ECE1: variants seen among roughly 807,000 people sequenced by gnomAD.
ECE1 encodes endothelin-converting enzyme 1.
A neutral mutation model predicts 98.6 loss-of-function variants in ECE1; 35 were observed. The observed-to-expected ratio is 0.35, with a 90% CI of 0.27 to 0.47. The LOEUF is 0.47. ECE1 is among the 20% of genes least tolerant of loss of function. The pLI, the probability that ECE1 is intolerant of heterozygous loss-of-function variation, is 1.00. For missense variants in ECE1, 814 were observed against 1,025.3 expected, an observed-to-expected ratio of 0.79 and a Z score of 2.81; for synonymous variants, 394 against 407.1, an observed-to-expected ratio of 0.97 and a Z score of 0.39.
At chr1:21,285,990 CAAAAA>C (rs3061092) in intron 2 of ECE1, among the ~76,000 whole-genome samples, 1 of 68,914 alleles carries the variant, frequency 1.5e-5, no homozygotes. Context: ...GACTCTGTCT[CAAAAA>C]AAAAAAAAAA....
intron 1 of ECE1, among the ~76,000 whole-genome samples, chr1:21,297,233 C>T (rs1376510262): frequency 6.6e-6 from 1 of 152,224 alleles, no homozygotes; most frequent in African/African-American, 2.4e-5. Context: ...GGGAATCTTA[C>T]CTAGTGTTGC....
intron 8 of ECE1, among the ~76,000 whole-genome samples, chr1:21,247,793 A>C (rs1382460097): frequency 6.6e-6 from 1 of 152,194 alleles, no homozygotes; most frequent in Non-Finnish European, 1.5e-5. Context: ...CTCTGCAGCC[A>C]AACTGCCTGG....
intron 5 of ECE1, among the ~76,000 whole-genome samples, chr1:21,259,685 G>A (rs1283481440): frequency 6.6e-6 from 1 of 152,150 alleles, no homozygotes; most frequent in East Asian, 1.9e-4. Flanking sequence ...GCTGTCCAGG[G>A]AACACGAGGC....
At chr1:21,270,847 A>G (rs1313635029) in intron 4 of ECE1, among the ~76,000 whole-genome samples, 2 of 152,194 alleles carry the variant, frequency 1.3e-5, no homozygotes, top group Non-Finnish European at 1.5e-5. Flanking sequence ...GGCAGAGTCC[A>G]GATTCGAACC....
chr1:21,229,144 GATTA>G (rs2098178513), intron 14 of ECE1, among the ~76,000 whole-genome samples: 2 of 151,814 alleles, frequency 1.3e-5, no homozygotes, highest in Admixed American at 1.3e-4. Context: ...CCGTCATAAT[GATTA>G]ATTTCATTAC....
chr1:21,301,478 G>T (rs1451025230), intron 1 of ECE1, among the ~76,000 whole-genome samples: 1 of 151,524 alleles, frequency 6.6e-6, no homozygotes, highest in East Asian at 1.9e-4. Flanking sequence ...CTGGGCGACA[G>T]CGAGACTCCG....
At chr1:21,243,591 C>T (rs185427219) in intron 10 of ECE1, among the ~76,000 whole-genome samples, 10 of 152,286 alleles carry the variant, frequency 6.6e-5, no homozygotes, top group Non-Finnish European at 1.3e-4. Context: ...CATCTGTAAC[C>T]TGGGAAGGTG....
In ECE1 at chr1:21,247,770, T is replaced by C. The variant is rs561305223; in HGVS notation, c.1021-407A>G. On this transcript the variant is annotated intron_variant, in intron 8 of 18. Transcript: ENST00000374893. ...TGAGCTTTAGACAGGCCTGAAACAGTTGAGCTTGTAGACTCTGCAGCCAAA... is the reference window on the plus strand; with the variant it reads ...TGAGCTTTAGACAGGCCTGAAACAGCTGAGCTTGTAGACTCTGCAGCCAAA... Among the ~76,000 whole-genome samples, 6 of 152,308 alleles carry C rather than the reference T, an allele frequency of 3.9e-5. No homozygotes were observed. The South Asian group carries it at 1.0e-3, about 26-fold the overall frequency.
intron 4 of ECE1, among the ~76,000 whole-genome samples, chr1:21,270,061 T>C (rs1397256182): frequency 2.0e-5 from 3 of 152,170 alleles, no homozygotes; most frequent in Non-Finnish European, 4.4e-5. Context: ...ACCCACACAA[T>C]GCACAAGAGC....
chr1:21,294,959 C>G (rs763686330), upstream of ECE1, among the ~76,000 whole-genome samples: 3 of 152,228 alleles, frequency 2.0e-5, no homozygotes, highest in Non-Finnish European at 4.4e-5. This position sits in a 1 kb window ranked among gnomAD's most constrained non-coding sequence, Gnocchi z 4.2. Context: ...TCTGTTCAAT[C>G]TTTACATGTC....
chr1:21,317,942 G>C (rs1304181399), intron 1 of ECE1, among the ~76,000 whole-genome samples: 1 of 152,296 alleles, frequency 6.6e-6, no homozygotes, highest in East Asian at 1.9e-4. Flanking sequence ...CAATGTTCTT[G>C]AACTTAAATC....
chr1:21,235,736 TG>T lies in ECE1; in HGVS notation c.1566+113del, dbSNP rs2098187139. 1.9e-6 allele frequency: 2 copies of T among 1,079,558 alleles called. No homozygotes were observed. The highest frequency in any genetic ancestry group is 2.4e-5 in the East Asian group (1 of 42,322). The allele number at this position is 1,079,558 out of a possible 1,614,324, so 66.9% of individuals were successfully genotyped here. A position where few individuals can be genotyped will look rare whatever the true frequency, so the allele number is the denominator to read the frequency against. On this transcript the variant is annotated intron_variant, in intron 13 of 18. Coordinates refer to ENST00000374893, the MANE Select transcript of ECE1 (RefSeq NM_001397.3). The surrounding 1 kb of genome is among the most constrained non-coding windows in gnomAD (Gnocchi z 4.2). ...CCCAAGCCCCACACCACATCATCCC[TG>T]TGTGTTTTGACAACCATGCTGCCTC...
chr1:21,317,839 C>T (rs959418881), intron 1 of ECE1, among the ~76,000 whole-genome samples: 1 of 152,230 alleles, frequency 6.6e-6, no homozygotes, highest in South Asian at 2.1e-4. Flanking sequence ...GGTCATGTGA[C>T]TTCTGTAGGT....
At position 21,279,349 on chromosome 1, in the gene ECE1, A is replaced by G. The variant is rs2098251615; in HGVS notation, c.139-17T>C. On this transcript the variant is annotated splice_polypyrimidine_tract_variant and intron_variant, in intron 2 of 18. Transcript: ENST00000374893. ...GAAGTTCACCTGCAGGGAAGGAGGCAGGAGGGGCGGGGAAGACGTGAGCCC... is the reference window on the plus strand; with the variant it reads ...GAAGTTCACCTGCAGGGAAGGAGGCGGGAGGGGCGGGGAAGACGTGAGCCC... 1 of 1,613,928 alleles carries G rather than the reference A, an allele frequency of 6.2e-7. No homozygotes were observed. Among genetic ancestry groups the G allele is most frequent in the Admixed American group, 1.7e-5 (1 of 60,004 alleles).
rs1282701687 is a variant in ECE1 at position 21,225,957 on chromosome 1, A to T, written c.1850-517T>A. Among the ~76,000 whole-genome samples the T allele has an allele frequency of 1.3e-5, 2 of 151,706 alleles. No individual in the cohort carries two copies. Among genetic ancestry groups the T allele is most frequent in the East Asian group, 1.9e-4 (1 of 5,154 alleles). On this transcript the variant is annotated intron_variant, in intron 16 of 18. Transcript: ENST00000374893. The surrounding 1 kb of genome is among the most constrained non-coding windows in gnomAD (Gnocchi z 5.3). ...TGATCTGCCCACCTCAGCCTCCCAA[A>T]GTGCTGGGATTACAGGTGTGCGTCA...
intron 1 of ECE1, among the ~76,000 whole-genome samples, chr1:21,308,670 A>T (rs1638649538): frequency 6.6e-6 from 1 of 152,088 alleles, no homozygotes; most frequent in Non-Finnish European, 1.5e-5. Flanking sequence ...CATTTGTGAA[A>T]CAGGGCTAGT....
At chr1:21,232,330 G>A (rs960920211) in intron 14 of ECE1, among the ~76,000 whole-genome samples, 8 of 150,426 alleles carry the variant, frequency 5.3e-5, no homozygotes, top group Admixed American at 2.0e-4. Context: ...GCAGGGTCTC[G>A]CTCTGTTGCC....
intron 8 of ECE1, among the ~76,000 whole-genome samples, chr1:21,250,181 C>T (rs1387975524): frequency 1.3e-5 from 2 of 152,134 alleles, no homozygotes; most frequent in African/African-American, 4.8e-5. Context: ...CTTTCTGTCT[C>T]TATGAACTTG....
intron 8 of ECE1, 33 bp downstream of exon 8, chr1:21,255,914 C>T (rs755827012): frequency 6.2e-7 from 1 of 1,611,292 alleles, no homozygotes; most frequent in Non-Finnish European, 8.5e-7. Flanking sequence ...TGGAGGCCAT[C>T]CCAGCCTCCC....
Sources: gnomAD v4.1 joint callset for allele counts (sites outside exome capture counted in the v4.1 genomes callset) on GRCh38, gnomAD v4.1.1 for gene constraint, Gnocchi (gnomAD v3.1) non-coding constraint, MANE v1.5 for transcripts, NCBI Gene and HGNC (gene_info 2026-07-23, HGNC 2026-07-21) for gene names.